The following CASKIN1 variants were observed in gnomAD, a reference collection of about 807,000 sequenced individuals.
CASKIN1 encodes caskin-1.
In CASKIN1, 42 loss-of-function variants were observed where a neutral mutation model predicts 117.5. That is an observed-to-expected ratio of 0.36 (90% CI 0.28 to 0.46). The LOEUF (loss-of-function observed/expected upper bound fraction) is 0.46, where lower values mean the gene tolerates loss of function less well. Ranked by LOEUF, CASKIN1 falls within the 20% of genes least tolerant of loss-of-function variation. CASKIN1 has a pLI of 1.00. For synonymous variants in CASKIN1, 1,148 were observed against 961.7 expected (o/e 1.19, Z -3.59); for missense variants, 2,083 against 2,077.3 (o/e 1.00, Z -0.05).
chr16:2,186,485 C>T (rs773726827), intron 10 of CASKIN1, among the ~76,000 whole-genome samples: 1 of 152,162 alleles, frequency 6.6e-6, no homozygotes, highest in East Asian at 1.9e-4. Flanking sequence ...CGGTTCAGAA[C>T]CAGACATGGC....
In CASKIN1 at chr16:2,178,469, G is replaced by C. The variant is rs2093151762; in HGVS notation, c.*81C>G. 2 of 1,155,630 alleles carry C rather than the reference G, an allele frequency of 1.7e-6. No homozygotes were observed. Among genetic ancestry groups the C allele is most frequent in the Middle Eastern group, 5.6e-4 (2 of 3,572 alleles). The allele number at this position is 1,155,630 out of a possible 1,614,324, so 71.6% of individuals were successfully genotyped here. ...GGCCCTGCCCGGCCGCTCGCGCCGC[G>C]CCCAGACGCGCCCATCCTGAGGTAT... On this transcript the variant is annotated 3_prime_UTR_variant, in exon 20 of 20. Coordinates refer to ENST00000343516, the MANE Select transcript of CASKIN1 (RefSeq NM_020764.4).
rs79390185 is a variant in CASKIN1, at chr16:2,178,666, G to A, written c.4200-20C>T. 6,149 of 1,572,338 alleles carry A rather than the reference G, an allele frequency of 3.9e-3. 191 individuals are homozygous for A. In the African/African-American group the frequency reaches 0.068, roughly 17 times the overall value. ...GAGTCGCTGCGGGGCGCGGGGCAAGGGGCGTGAGTGGGCGGGGCGGGTCTG... is the reference window on the plus strand; with the variant it reads ...GAGTCGCTGCGGGGCGCGGGGCAAGAGGCGTGAGTGGGCGGGGCGGGTCTG... On this transcript the variant is annotated intron_variant, in intron 19 of 19. Transcript: ENST00000343516.
intron 14 of CASKIN1, among the ~76,000 whole-genome samples, chr16:2,184,473 C>T (rs527488465): frequency 6.6e-6 from 1 of 152,308 alleles, no homozygotes; most frequent in East Asian, 1.9e-4. Context: ...CCATCTCATA[C>T]CCATCCCCTT....
At position 2,190,065 on chromosome 16, in the gene CASKIN1, A is replaced by T. The variant is rs755829916; in HGVS notation, c.244+8T>A. Reference sequence around the variant, plus strand: ...CTGCCCCCACCAGAGGCCCTCGGCTAGTCTTGCCTTTGTTGTCCTTGATGT... The same window carrying T: ...CTGCCCCCACCAGAGGCCCTCGGCTTGTCTTGCCTTTGTTGTCCTTGATGT... On this transcript the variant is annotated splice_region_variant and intron_variant, in intron 3 of 19. Coordinates refer to ENST00000343516, the MANE Select transcript of CASKIN1 (RefSeq NM_020764.4). 6 of 1,607,890 alleles carry T rather than the reference A, an allele frequency of 3.7e-6. No homozygotes were observed. In the African/African-American group the frequency reaches 5.4e-5, roughly 14 times the overall value.
chr16:2,177,479 A>C lies in CASKIN1; in HGVS notation c.*1071T>G, dbSNP rs2093143110. On this transcript the variant is annotated 3_prime_UTR_variant, in exon 20 of 20. Transcript: ENST00000343516. ...CCAACACTGTGGATCAGCAAACACG[A>C]TAGAGGAGACCAGTCAGTACTTCTT... 1 of 233,318 alleles carries C rather than the reference A, an allele frequency of 4.3e-6. No individual in the cohort carries two copies. Among genetic ancestry groups the C allele is most frequent in the African/African-American group, 2.2e-5 (1 of 45,218 alleles). 14.5% of individuals were successfully genotyped at this position (233,318 alleles called of 1,614,324 possible). A position where few individuals can be genotyped will look rare whatever the true frequency, so the allele number is the denominator to read the frequency against.
chr16:2,188,063 T>TC (rs1555468748), intron 6 of CASKIN1, among the ~76,000 whole-genome samples: 1 of 151,266 alleles, frequency 6.6e-6, no homozygotes, highest in Non-Finnish European at 1.5e-5. Flanking sequence ...TTTTTTTTTT[T>TC]GCCTTTGTTT....
At chr16:2,178,725 C>T (rs951125744) in intron 19 of CASKIN1, 79 bp from the exon 20 acceptor site, 88 of 1,383,314 alleles carry the variant, frequency 6.4e-5, no homozygotes, top group East Asian at 1.2e-4. Context: ...ACGCCCACGT[C>T]CCGCATCTCC....
Position 2,178,476 on chromosome 16 carries a change from C to T in CASKIN1, c.*74G>A. 8.2e-7 allele frequency: 1 copy of T among 1,224,628 alleles called. No homozygotes were observed. The highest frequency in any genetic ancestry group is 1.6e-5 in the African/African-American group (1 of 62,436). The allele number at this position is 1,224,628 out of a possible 1,614,324, so 75.9% of individuals were successfully genotyped here. A position where few individuals can be genotyped will look rare whatever the true frequency, so the allele number is the denominator to read the frequency against. ...CCCGGCCGCTCGCGCCGCGCCCAGA[C>T]GCGCCCATCCTGAGGTATAGGTCAG... On this transcript the variant is annotated 3_prime_UTR_variant, in exon 20 of 20. Coordinates refer to ENST00000343516, the MANE Select transcript of CASKIN1 (RefSeq NM_020764.4).
chr16:2,181,924 G>T lies in CASKIN1; in HGVS notation c.1635C>A (p.Asn545Lys). 1 of 1,613,628 alleles carries T rather than the reference G, an allele frequency of 6.2e-7. No homozygotes were observed. The highest frequency in any genetic ancestry group is 8.5e-7 in the Non-Finnish European group (1 of 1,179,962). ...PDWLPEHKPA[N>K]LAVWLSMIGL... ...CGATCATGGACAGCCACACGGCCAGGTTAGCCTACAGAGCAGACACACAGA... is the reference window on the plus strand; with the variant it reads ...CGATCATGGACAGCCACACGGCCAGTTTAGCCTACAGAGCAGACACACAGA... Residue 545 changes from asparagine to lysine, a missense_variant, in exon 17 of 20, where the codon AAC (asparagine) becomes AAA (lysine). By Grantham distance (94) the Asn-to-Lys change is moderately conservative (BLOSUM62 0). Transcript: ENST00000343516.
rs751886654 is a variant in CASKIN1 at position 2,186,960 on chromosome 16, C to T, written c.930+18G>A. 4 of 1,612,970 alleles carry T rather than the reference C, an allele frequency of 2.5e-6. No individual in the cohort carries two copies. Among genetic ancestry groups the T allele is most frequent in the Non-Finnish European group, 3.4e-6 (4 of 1,179,390 alleles). ...GCCGCCCCCTCCCTGCTGAGATGGCCCCTGGGGCCATGCTTACTGTGATGA... is the reference window on the plus strand; with the variant it reads ...GCCGCCCCCTCCCTGCTGAGATGGCTCCTGGGGCCATGCTTACTGTGATGA... On this transcript the variant is annotated intron_variant, in intron 9 of 19. Coordinates refer to ENST00000343516, the MANE Select transcript of CASKIN1 (RefSeq NM_020764.4).
Position 2,196,507 on chromosome 16 carries a change from G to A in CASKIN1, c.-75C>T. 2 of 682,822 alleles carry A rather than the reference G, an allele frequency of 2.9e-6. No individual in the cohort carries two copies. Among genetic ancestry groups the A allele is most frequent in the Non-Finnish European group, 3.6e-6 (2 of 549,942 alleles). 42.3% of individuals were successfully genotyped at this position (682,822 alleles called of 1,614,324 possible). Reference sequence around the variant, plus strand: ...GCTCAGAGGCGGCGGCGGCCCCGCGGCACCGGCCGCCTCCCCCGCCGCCTC... The same window carrying A: ...GCTCAGAGGCGGCGGCGGCCCCGCGACACCGGCCGCCTCCCCCGCCGCCTC... On this transcript the variant is annotated 5_prime_UTR_variant, in exon 1 of 20. Coordinates refer to ENST00000343516, the MANE Select transcript of CASKIN1 (RefSeq NM_020764.4). This position sits in a 1 kb window ranked among gnomAD's most constrained non-coding sequence, Gnocchi z 5.7.
intron 14 of CASKIN1, 121 bp downstream of exon 14, chr16:2,184,656 C>T: frequency 1.3e-6 from 1 of 747,230 alleles, no homozygotes; most frequent in South Asian, 2.7e-5. Flanking sequence ...GAGGGTCTGG[C>T]CTGGCAATGC....
chr16:2,178,689 C>T (rs758139579), intron 19 of CASKIN1, 43 bp from the exon 20 acceptor site: 2 of 1,526,178 alleles, frequency 1.3e-6, no homozygotes, highest in Non-Finnish European at 1.8e-6. Flanking sequence ...CGGGGCGGGT[C>T]TGGCCACGCC....
At position 2,179,375 on chromosome 16, in the gene CASKIN1, C is replaced by T. The variant is rs2093158023; in HGVS notation, c.3776-50G>A. ...CGAGCGGGCACGAGTTCCGCCGCCG[C>T]GCCCCCTGCCCCAGCCTCCCGCGGC... On this transcript the variant is annotated intron_variant, in intron 18 of 19. Transcript: ENST00000343516. This position sits in a 1 kb window ranked among gnomAD's most constrained non-coding sequence, Gnocchi z 5.8. 1 of 1,332,860 alleles carries T rather than the reference C, an allele frequency of 7.5e-7. No individual in the cohort carries two copies. The highest frequency in any genetic ancestry group is 9.5e-7 in the Non-Finnish European group (1 of 1,048,402). 82.6% of individuals were successfully genotyped at this position (1,332,860 alleles called of 1,614,324 possible).
chr16:2,195,808 G>A (rs999042733), intron 1 of CASKIN1, among the ~76,000 whole-genome samples: 1 of 152,292 alleles, frequency 6.6e-6, no homozygotes, highest in South Asian at 2.1e-4. Context: ...GCACCCCACC[G>A]GCCATGCCAG....
In CASKIN1 at chr16:2,179,350, C is replaced by G; in HGVS notation, c.3776-25G>C. ...TCTGCGGGGAGGACCACGCTGGCAC[C>G]GAGCGGGCACGAGTTCCGCCGCCGC... On this transcript the variant is annotated intron_variant, in intron 18 of 19. Coordinates refer to ENST00000343516, the MANE Select transcript of CASKIN1 (RefSeq NM_020764.4). The surrounding 1 kb of genome is among the most constrained non-coding windows in gnomAD (Gnocchi z 5.8). The G allele has an allele frequency of 1.5e-6, 2 of 1,318,874 alleles. No homozygotes were observed. Among genetic ancestry groups the G allele is most frequent in the Non-Finnish European group, 1.9e-6 (2 of 1,040,092 alleles). 81.7% of individuals were successfully genotyped at this position (1,318,874 alleles called of 1,614,324 possible). A position where few individuals can be genotyped will look rare whatever the true frequency, so the allele number is the denominator to read the frequency against.
At position 2,192,140 on chromosome 16, in the gene CASKIN1, GA is replaced by G. The variant is rs1263905349; in HGVS notation, c.95-1783del. ...GACCTTGTCTCTACAAAAAATAAAGGAAAAAAAAAGTAGCTGGGCACGGAGG... is the reference window on the plus strand; with the variant it reads ...GACCTTGTCTCTACAAAAAATAAAGGAAAAAAAAGTAGCTGGGCACGGAGG... On this transcript the variant is annotated intron_variant, in intron 1 of 19. Coordinates refer to ENST00000343516, the MANE Select transcript of CASKIN1 (RefSeq NM_020764.4). Among the ~76,000 whole-genome samples the G allele has an allele frequency of 1.2e-4, 18 of 151,224 alleles. 2 individuals carry two copies. The South Asian group carries it at 3.8e-3, about 32-fold the overall frequency.
rs2093187035 is a variant in CASKIN1 at position 2,187,045 on chromosome 16, G to A, written c.863C>T (p.Ala288Val). The A allele has an allele frequency of 2.5e-6, 4 of 1,613,516 alleles. No homozygotes were observed. The African/African-American group carries it at 4.0e-5, about 16-fold the overall frequency. ...REASAALQVR[A>V]TKDYCNNYDL... ...GTAATTGTTGCAATAATCCTTGGTC[G>A]CCCGGACCTGCAGGGCCGCTGAGGC... Residue 288 changes from alanine to valine, a missense_variant, in exon 9 of 20, where the codon GCG becomes GTG. Transcript: ENST00000343516.
In CASKIN1 at chr16:2,182,296, C is replaced by T. The variant is rs2093170660; in HGVS notation, c.1630-367G>A. On this transcript the variant is annotated intron_variant, in intron 16 of 19. Coordinates refer to ENST00000343516, the MANE Select transcript of CASKIN1 (RefSeq NM_020764.4). The surrounding 1 kb of genome is among the most constrained non-coding windows in gnomAD (Gnocchi z 4.1). Reference sequence around the variant, plus strand: ...TGGGGCCACACCTGGTACAGGAACACGCACATGATTTGCACGCTGCGCTCC... The same window carrying T: ...TGGGGCCACACCTGGTACAGGAACATGCACATGATTTGCACGCTGCGCTCC... Among the ~76,000 whole-genome samples, 2 of 152,150 alleles carry T rather than the reference C, an allele frequency of 1.3e-5. No homozygotes were observed. The highest frequency in any genetic ancestry group is 1.3e-4 in the Admixed American group (2 of 15,278).
Sources: gnomAD v4.1 joint callset for allele counts (sites outside exome capture counted in the v4.1 genomes callset) on GRCh38, gnomAD v4.1.1 for gene constraint, Gnocchi (gnomAD v3.1) non-coding constraint, MANE v1.5 for transcripts, NCBI Gene and HGNC (gene_info 2026-07-23, HGNC 2026-07-21) for gene names.